The following MMP26 variants were observed in gnomAD, a reference collection of about 807,000 sequenced individuals.
MMP26 encodes matrix metallopeptidase 26.
MMP26 carries 33 observed loss-of-function variants against 31.0 expected under a neutral mutation model. The observed-to-expected ratio is 1.06, with a 90% CI of 0.81 to 1.42. MMP26 has a LOEUF of 1.42. Among genes scored for constraint, MMP26 ranks in the 40% most tolerant of loss-of-function variants. The pLI, the probability that MMP26 is intolerant of heterozygous loss-of-function variation, is 0.00. For synonymous variants in MMP26, 122 were observed against 114.9 expected, an observed-to-expected ratio of 1.06 and a Z score of -0.40; for missense variants, 347 against 316.1, an observed-to-expected ratio of 1.10 and a Z score of -0.74.
At chr11:4,991,254 A>AT (rs971408168) in intron 5 of MMP26, 117 bp from the exon 6 acceptor site, 4 of 1,280,870 alleles carry the variant, frequency 3.1e-6, no homozygotes, top group Admixed American at 2.4e-5. Flanking sequence ...GCTCTCTCAC[A>AT]TCCCCCAGTG....
chr11:4,857,319 A>G (rs530925700), intron 2 of MMP26, among the ~76,000 whole-genome samples: 3 of 152,212 alleles, frequency 2.0e-5, no homozygotes, highest in Non-Finnish European at 4.4e-5. Flanking sequence ...CAAAATTGAT[A>G]GACTGCTAGC....
intron 2 of MMP26, among the ~76,000 whole-genome samples, chr11:4,905,128 C>T (rs1850863927): frequency 6.6e-6 from 1 of 152,096 alleles, no homozygotes; most frequent in South Asian, 2.1e-4. Flanking sequence ...TATTTTATGA[C>T]TACTGACATG....
At chr11:4,917,729 AC>A (rs1015985025) in intron 2 of MMP26, among the ~76,000 whole-genome samples, 1 of 152,144 alleles carries the variant, frequency 6.6e-6, no homozygotes, top group African/African-American at 2.4e-5. Context: ...TATTGGGTTA[AC>A]AATATACTTT....
At chr11:4,838,966 G>GA (rs1309339778) in intron 2 of MMP26, among the ~76,000 whole-genome samples, 2 of 152,198 alleles carry the variant, frequency 1.3e-5, no homozygotes, top group African/African-American at 4.8e-5. Context: ...TGGCAGTGTG[G>GA]TGCAGAGAAT....
At position 4,914,976 on chromosome 11, in the gene MMP26, C is replaced by T. The variant is rs185474285; in HGVS notation, c.-144-73092C>T. 125 of 1,614,026 alleles carry T rather than the reference C, an allele frequency of 7.7e-5. 1 individual carries two copies. The highest frequency in any genetic ancestry group is 3.7e-4 in the African/African-American group (28 of 75,004). ...TCAGCCCTGGAGGCGATGGACAGCA[C>T]GGTGCGCAGGATCAGAGCATAAGAG... is the stretch of plus-strand genomic sequence containing the variant. On this transcript the variant is annotated intron_variant, in intron 2 of 7. Transcript: ENST00000380390.
chr11:4,867,304 G>T (rs113509476), intron 2 of MMP26, among the ~76,000 whole-genome samples: 1 of 150,894 alleles, frequency 6.6e-6, no homozygotes, highest in Non-Finnish European at 1.5e-5. Flanking sequence ...AAAAGAAGAC[G>T]TACATGTGAC....
At chr11:4,708,398 C>G (rs567416413) in intron 1 of MMP26, among the ~76,000 whole-genome samples, 1 of 152,288 alleles carries the variant, frequency 6.6e-6, no homozygotes, top group East Asian at 1.9e-4. Context: ...TTACTGATGT[C>G]TAAGCTCCTG....
intron 2 of MMP26, among the ~76,000 whole-genome samples, chr11:4,827,105 C>T (rs910993245): frequency 1.3e-5 from 2 of 152,176 alleles, no homozygotes; most frequent in Admixed American, 6.5e-5. Flanking sequence ...ATTCTTCCTG[C>T]GAAAAGCCAG....
intron 2 of MMP26, chr11:4,875,706 A>G (rs1850369999): frequency 6.6e-6 from 1 of 152,130 alleles, no homozygotes. Context: ...AATGCAGGAT[A>G]AACTCTACAT....
intron 2 of MMP26, among the ~76,000 whole-genome samples, chr11:4,859,053 C>T (rs1294823290): frequency 6.6e-6 from 1 of 152,176 alleles, no homozygotes; most frequent in Non-Finnish European, 1.5e-5. Flanking sequence ...CCTCCTTACA[C>T]CTTATGCAAA....
At chr11:4,796,934 C>A (rs146139451) in intron 2 of MMP26, among the ~76,000 whole-genome samples, 38 of 152,100 alleles carry the variant, frequency 2.5e-4, no homozygotes, top group African/African-American at 8.2e-4. Context: ...CAGTGCACTT[C>A]GGGCTCCTGT....
At position 4,843,236 on chromosome 11, in the gene MMP26, T is replaced by C. The variant is rs116353865; in HGVS notation, c.-145+75895T>C. Among the ~76,000 whole-genome samples the C allele has an allele frequency of 4.7e-3, 720 of 152,314 alleles. 7 individuals carry two copies. Among genetic ancestry groups the C allele is most frequent in the African/African-American group, 0.016 (654 of 41,570 alleles). ...TGGTGGCTCTCTTCTCACAGATCCATTAGGCAGTGCCCCAGTGGGAACTCT... is the reference window on the plus strand; with the variant it reads ...TGGTGGCTCTCTTCTCACAGATCCACTAGGCAGTGCCCCAGTGGGAACTCT... On this transcript the variant is annotated intron_variant, in intron 2 of 7. Transcript: ENST00000380390.
chr11:4,737,897 A>G (rs972228299), intron 1 of MMP26, among the ~76,000 whole-genome samples: 8 of 152,228 alleles, frequency 5.3e-5, no homozygotes, highest in African/African-American at 7.2e-5. Flanking sequence ...GCATGGTGCA[A>G]TCATGGCTCA....
intron 2 of MMP26, among the ~76,000 whole-genome samples, chr11:4,809,769 A>G (rs1849325307): frequency 3.9e-5 from 6 of 152,174 alleles, no homozygotes; most frequent in Admixed American, 3.9e-4. Flanking sequence ...GAAGATCAGT[A>G]GTCTTGGATC....
At chr11:4,953,301 G>A (rs1846392507) in intron 2 of MMP26, among the ~76,000 whole-genome samples, 1 of 124,358 alleles carries the variant, frequency 8.0e-6, no homozygotes, top group South Asian at 2.4e-4. Context: ...TTTATTTATT[G>A]AACTCTACTC....
In MMP26 at chr11:4,900,548, A is replaced by T. The variant is rs1025025644; in HGVS notation, c.-144-87520A>T. On this transcript the variant is annotated intron_variant, in intron 2 of 7. Transcript: ENST00000380390. ...TCATCCTGCCACTATAGCTACTTCA[A>T]TTAGGAGCCAATTATGCCACCACTG... Among the ~76,000 whole-genome samples the T allele has an allele frequency of 5.9e-5, 9 of 152,178 alleles. 1 individual carries two copies.
chr11:4,798,076 C>T (rs1419650126), intron 2 of MMP26, among the ~76,000 whole-genome samples: 5 of 152,196 alleles, frequency 3.3e-5, no homozygotes, highest in Non-Finnish European at 7.3e-5. Flanking sequence ...TTAGGGCTGG[C>T]ATCTGGAGGA....
chr11:4,859,942 G>A (rs754302136), intron 2 of MMP26: 1 of 471,142 alleles, frequency 2.1e-6, no homozygotes. Context: ...GAGCCCCAGT[G>A]TGAAGATGAC....
chr11:4,894,248 T>C (rs1035944486), intron 2 of MMP26, among the ~76,000 whole-genome samples: 8 of 152,176 alleles, frequency 5.3e-5, no homozygotes, highest in African/African-American at 1.9e-4. Flanking sequence ...CACATGGTAG[T>C]ATTATTCCTG....
Sources: gnomAD v4.1 joint callset for allele counts (sites outside exome capture counted in the v4.1 genomes callset) on GRCh38, gnomAD v4.1.1 for gene constraint, MANE v1.5 for transcripts, NCBI Gene and HGNC (gene_info 2026-07-23, HGNC 2026-07-21) for gene names.